The following EIF4G3 variants were observed in gnomAD, a reference collection of about 807,000 sequenced individuals.
The protein encoded by EIF4G3 is eIF-4-gamma 3.
Under a neutral mutation model 186.4 loss-of-function variants are expected in EIF4G3, and 34 were observed. The observed-to-expected ratio is 0.18, with a 90% CI of 0.14 to 0.24. The LOEUF (loss-of-function observed/expected upper bound fraction) is 0.24, where lower values mean the gene tolerates loss of function less well. Ranked by LOEUF, EIF4G3 falls within the 10% of genes least tolerant of loss-of-function variation. EIF4G3 has a pLI of 1.00. For synonymous variants in EIF4G3, 673 were observed against 679.5 expected, an observed-to-expected ratio of 0.99 and a Z score of 0.15; for missense variants, 1,536 against 1,948.5, an observed-to-expected ratio of 0.79 and a Z score of 3.99.
chr1:20,852,048 T>C (rs894832530), intron 27 of EIF4G3, among the ~76,000 whole-genome samples: 1 of 152,172 alleles, frequency 6.6e-6, no homozygotes, highest in Non-Finnish European at 1.5e-5. Flanking sequence ...GGTAATTTCT[T>C]TCTCTTTTCT....
chr1:21,053,729 A>G (rs1299106723), intron 3 of EIF4G3, among the ~76,000 whole-genome samples: 1 of 139,438 alleles, frequency 7.2e-6, no homozygotes, highest in Admixed American at 7.2e-5. Flanking sequence ...TTGGGGGGTC[A>G]GCCCCCGCCC....
At chr1:21,014,049 A>G (rs141002349) in intron 4 of EIF4G3, among the ~76,000 whole-genome samples, 1,825 of 152,232 alleles carry the variant, frequency 0.012, 35 homozygotes, top group African/African-American at 0.035. Flanking sequence ...GGGTGCCTAT[A>G]ATCCCAGCTA....
At chr1:21,090,226 A>T (rs2096140666) in intron 2 of EIF4G3, among the ~76,000 whole-genome samples, 1 of 152,234 alleles carries the variant, frequency 6.6e-6, no homozygotes, top group African/African-American at 2.4e-5. Context: ...ATAAATGTAA[A>T]AAATTTCGAA....
intron 2 of EIF4G3, among the ~76,000 whole-genome samples, chr1:21,142,590 G>A (rs948677099): frequency 2.0e-5 from 3 of 152,068 alleles, no homozygotes; most frequent in African/African-American, 7.2e-5. Flanking sequence ...AAACAAAAAT[G>A]AAGAAAAACA....
At chr1:20,984,434 G>A (rs1444243590) in intron 7 of EIF4G3, among the ~76,000 whole-genome samples, 2 of 151,684 alleles carry the variant, frequency 1.3e-5, no homozygotes, top group Non-Finnish European at 2.9e-5. Flanking sequence ...CCAAAGTGCT[G>A]GGATTACAAA....
chr1:20,816,329 G>C (rs1335184800), intron 34 of EIF4G3, among the ~76,000 whole-genome samples: 2 of 38,874 alleles, frequency 5.1e-5, no homozygotes, highest in Admixed American at 1.9e-4. Flanking sequence ...GAGGCGGGGG[G>C]GGGGGGGGTC....
intron 35 of EIF4G3, among the ~76,000 whole-genome samples, chr1:20,812,595 GAAT>G (rs2059469202): frequency 1.3e-5 from 2 of 151,994 alleles, no homozygotes; most frequent in Non-Finnish European, 2.9e-5. Flanking sequence ...TGTCTTCATT[GAAT>G]AATGTTAAAC....
At chr1:20,879,182 A>C in intron 20 of EIF4G3, 141 bp downstream of exon 20, 3 of 589,884 alleles carry the variant, frequency 5.1e-6, no homozygotes. Flanking sequence ...TGTCTTTAAT[A>C]ATGAGAATAT....
intron 11 of EIF4G3, 106 bp downstream of exon 11, chr1:20,972,896 A>G: frequency 2.4e-6 from 2 of 839,024 alleles, no homozygotes; most frequent in Non-Finnish European, 3.5e-6. Flanking sequence ...AAAAAAAAAA[A>G]GGCACAGTAA....
intron 33 of EIF4G3, among the ~76,000 whole-genome samples, chr1:20,823,862 T>C (rs2062984127): frequency 6.6e-6 from 1 of 152,244 alleles, no homozygotes; most frequent in Non-Finnish European, 1.5e-5. Context: ...TAATTGTATG[T>C]TAAATGAACA....
intron 2 of EIF4G3, among the ~76,000 whole-genome samples, chr1:21,127,987 G>A (rs1190891428): frequency 1.3e-5 from 2 of 150,528 alleles, no homozygotes; most frequent in Non-Finnish European, 3.0e-5. Flanking sequence ...GGCAGATCAC[G>A]AGGTCAGGAG....
chr1:20,832,625 T>C (rs1213945049), intron 30 of EIF4G3, among the ~76,000 whole-genome samples: 1 of 150,360 alleles, frequency 6.7e-6, no homozygotes, highest in Non-Finnish European at 1.5e-5. Context: ...TTAGATCCCA[T>C]TTGTCAATTT....
chr1:20,807,861 T>G (rs1164283614), intron 36 of EIF4G3, among the ~76,000 whole-genome samples: 10 of 142,086 alleles, frequency 7.0e-5, no homozygotes, highest in Admixed American at 7.0e-4. Context: ...CTCCTGGGTT[T>G]AAGCAATTTT....
At chr1:21,150,404 C>T (rs1448304281) in intron 2 of EIF4G3, among the ~76,000 whole-genome samples, 1 of 152,064 alleles carries the variant, frequency 6.6e-6, no homozygotes, top group African/African-American at 2.4e-5. Flanking sequence ...TTTTTCATGG[C>T]GTCATGAAAA....
intron 2 of EIF4G3, among the ~76,000 whole-genome samples, chr1:21,115,962 A>G (rs986930712): frequency 2.6e-5 from 4 of 151,992 alleles, no homozygotes; most frequent in African/African-American, 9.7e-5. Context: ...GGCCTTAACC[A>G]ATCCTCTTGC....
chr1:21,009,798 G>A (rs991234520), intron 4 of EIF4G3, among the ~76,000 whole-genome samples: 1 of 152,038 alleles, frequency 6.6e-6, no homozygotes, highest in African/African-American at 2.4e-5. Flanking sequence ...GGGACTACAG[G>A]TGCGTGCCAC....
intron 13 of EIF4G3, among the ~76,000 whole-genome samples, chr1:20,942,623 A>C (rs2154562450): frequency 6.6e-6 from 1 of 152,314 alleles, no homozygotes; most frequent in Non-Finnish European, 1.5e-5. Context: ...CTGAGGCTAA[A>C]CCATTCTTGG....
intron 7 of EIF4G3, among the ~76,000 whole-genome samples, chr1:20,990,565 G>A (rs1321511897): frequency 1.3e-5 from 2 of 152,042 alleles, no homozygotes; most frequent in Non-Finnish European, 2.9e-5. Context: ...TCAGCTACTC[G>A]GGAGGCTGAG....
chr1:20,905,094 A>G, intron 14 of EIF4G3, 123 bp from the exon 15 acceptor site: 1 of 611,524 alleles, frequency 1.6e-6, no homozygotes. Context: ...TACCAAACAA[A>G]TAGTTGGCTG....
Sources: allele counts gnomAD v4.1 joint callset (sites outside exome capture counted in the v4.1 genomes callset), GRCh38; gene constraint gnomAD v4.1.1; transcripts MANE v1.5; gene names NCBI Gene and HGNC (gene_info 2026-07-23, HGNC 2026-07-21).